The following VPS35 variants were observed in gnomAD, a reference collection of about 807,000 sequenced individuals.
The protein encoded by VPS35 is VPS35 retromer complex component.
A neutral mutation model predicts 98.1 loss-of-function variants in VPS35; 21 were observed. The ratio of observed to expected loss-of-function variants is 0.21; its 90% CI spans 0.15 to 0.31. The LOEUF is 0.31. Among genes scored for constraint, VPS35 ranks in the 10% least tolerant of loss-of-function variants. The pLI is 1.00. For missense variants in VPS35, 554 were observed against 950.8 expected, an observed-to-expected ratio of 0.58 and a Z score of 5.49; for synonymous variants, 268 against 318.2, an observed-to-expected ratio of 0.84 and a Z score of 1.68.
chr16:46,673,595 G>A (rs998156582), intron 10 of VPS35: 1 of 152,774 alleles, frequency 6.5e-6, no homozygotes, highest in Non-Finnish European at 1.5e-5. Flanking sequence ...GACGCCATAA[G>A]TCTAGGACAG....
At chr16:46,669,202 T>C (rs1001683084) in intron 12 of VPS35, 150 bp from the exon 13 acceptor site, 29 of 997,946 alleles carry the variant, frequency 2.9e-5, no homozygotes, top group Non-Finnish European at 4.1e-5. Flanking sequence ...ATTTCTTATC[T>C]CCTCAAGTTG....
intron 12 of VPS35, among the ~76,000 whole-genome samples, chr16:46,670,451 T>C (rs1487488076): frequency 6.6e-6 from 1 of 152,076 alleles, no homozygotes; most frequent in Non-Finnish European, 1.5e-5. Context: ...GCCCAGCTAA[T>C]TTTTTGCATT....
At chr16:46,667,078 CCCA>C (rs1344583828) in intron 13 of VPS35, among the ~76,000 whole-genome samples, 1 of 152,160 alleles carries the variant, frequency 6.6e-6, no homozygotes, top group Non-Finnish European at 1.5e-5. Flanking sequence ...AATTTATATT[CCCA>C]CCAATAATAA....
At chr16:46,686,188 A>C (rs1281232464) in intron 1 of VPS35, among the ~76,000 whole-genome samples, 1 of 152,142 alleles carries the variant, frequency 6.6e-6, no homozygotes, top group Non-Finnish European at 1.5e-5. Context: ...TTCAATGTTC[A>C]TCCATGTTGC....
In VPS35 at chr16:46,665,875, C is replaced by G. The variant is rs115647811; in HGVS notation, c.1648-2713G>C. Among the ~76,000 whole-genome samples the G allele has an allele frequency of 7.8e-3, 1,188 of 152,200 alleles. 15 individuals are homozygous for G. Among genetic ancestry groups the G allele is most frequent in the African/African-American group, 0.027 (1,134 of 41,498 alleles). On this transcript the variant is annotated intron_variant, in intron 13 of 16. Transcript: ENST00000299138. ...GCACAATCATAACTCACTGCAGCCT[C>G]CAACTCCTGGGCTCAAGCTGTCCTC...
At chr16:46,674,501 A>C in intron 9 of VPS35, 39 bp from the exon 10 acceptor site, 2 of 1,606,878 alleles carry the variant, frequency 1.2e-6, no homozygotes, top group Non-Finnish European at 1.7e-6. Context: ...ATTTTAAACA[A>C]TTGTAAAAGG....
chr16:46,662,262 G>C lies in VPS35; in HGVS notation c.2048C>G (p.Thr683Arg). ...CCTTACCTCCTCCCCATTTTTGTCC[G>C]TGTTTCTGCCAGACCAGAAGAGATG... ...CAHLFWSGRN[T>R]DKNGEELHGG... Residue 683 changes from threonine to arginine, a missense_variant, in exon 15 of 17, where the codon ACG (threonine) becomes AGG (arginine). Coordinates refer to ENST00000299138, the MANE Select transcript of VPS35 (RefSeq NM_018206.6). 6.2e-7 allele frequency: 1 copy of C among 1,614,044 alleles called. No individual in the cohort carries two copies. The highest frequency in any genetic ancestry group is 8.5e-7 in the Non-Finnish European group (1 of 1,180,004).
intron 13 of VPS35, among the ~76,000 whole-genome samples, chr16:46,663,862 A>ATTTTTTTTTTTTTT (rs546485076): frequency 0.018 from 514 of 28,686 alleles, 166 homozygotes; most frequent in Non-Finnish European, 0.021. Flanking sequence ...CACCTGGCTA[A>ATTTTTTTTTTTTTT]TTTTTTTTTT....
intron 1 of VPS35, among the ~76,000 whole-genome samples, chr16:46,687,582 A>C (rs1966336836): frequency 6.6e-6 from 1 of 152,202 alleles, no homozygotes; most frequent in Non-Finnish European, 1.5e-5. Context: ...TTAGTAAAGC[A>C]ATCCACACAC....
chr16:46,687,285 G>A (rs1460205567), intron 1 of VPS35, among the ~76,000 whole-genome samples: 1 of 152,142 alleles, frequency 6.6e-6, no homozygotes, highest in Non-Finnish European at 1.5e-5. Context: ...GGCATACATT[G>A]ACAACTGAAG....
Position 46,661,640 on chromosome 16 carries a change from C to T in VPS35, c.2211+78G>A. On this transcript the variant is annotated intron_variant, in intron 16 of 16. Coordinates refer to ENST00000299138, the MANE Select transcript of VPS35 (RefSeq NM_018206.6). The surrounding 1 kb of genome is among the most constrained non-coding windows in gnomAD (Gnocchi z 4.3). ...GTGATTAAAGTATCAGAATGATAAA[C>T]TTTTGTACATATCAAATCTCCTAAG... 1 of 1,346,496 alleles carries T rather than the reference C, an allele frequency of 7.4e-7. No individual in the cohort carries two copies. Among genetic ancestry groups the T allele is most frequent in the Non-Finnish European group, 1.1e-6 (1 of 947,080 alleles). The allele number at this position is 1,346,496 out of a possible 1,614,324, so 83.4% of individuals were successfully genotyped here. A position where few individuals can be genotyped will look rare whatever the true frequency, so the allele number is the denominator to read the frequency against.
intron 15 of VPS35, 23 bp downstream of exon 15, chr16:46,662,220 C>G (rs373245295): frequency 6.2e-7 from 1 of 1,613,938 alleles, no homozygotes; most frequent in African/African-American, 1.3e-5. Context: ...TGTCTGCTAT[C>G]ATGCAGTCAG....
chr16:46,665,766 C>T (rs1965980053), intron 13 of VPS35, among the ~76,000 whole-genome samples: 1 of 152,154 alleles, frequency 6.6e-6, no homozygotes, highest in East Asian at 1.9e-4. Flanking sequence ...TCTTTGGCAA[C>T]TACTGTTCTA....
rs530775423 is a variant in VPS35 at position 46,663,214 on chromosome 16, T to C, written c.1648-52A>G. 89 of 1,509,568 alleles carry C rather than the reference T, an allele frequency of 5.9e-5. No homozygotes were observed. The East Asian group carries it at 2.0e-3, about 33-fold the overall frequency. 93.5% of individuals were successfully genotyped at this position (1,509,568 alleles called of 1,614,324 possible). On this transcript the variant is annotated intron_variant, in intron 13 of 16. Coordinates refer to ENST00000299138, the MANE Select transcript of VPS35 (RefSeq NM_018206.6). ...TACCTTAAATTCAAAATTAACTTGT[T>C]CCAGGATATCCATTTTAATAGAACA...
intron 13 of VPS35, 78 bp downstream of exon 13, chr16:46,668,852 T>C: frequency 6.4e-7 from 1 of 1,567,194 alleles, no homozygotes; most frequent in Admixed American, 1.9e-5. Flanking sequence ...AAATTTTTTA[T>C]AATATAAAAC....
chr16:46,662,552 T>C, intron 14 of VPS35, 70 bp from the exon 15 acceptor site: 1 of 1,601,012 alleles, frequency 6.2e-7, no homozygotes, highest in Non-Finnish European at 8.5e-7. Context: ...TCCAAAGTAC[T>C]TGTCACCAAA....
rs867052593 is a variant in VPS35 at position 46,661,952 on chromosome 16, G to A, written c.2068-91C>T. ...CACAACACTACCGTGGCTCTTTCGT[G>A]TTTTAAAGGGACATAACAAATTTAA... On this transcript the variant is annotated intron_variant, in intron 15 of 16. Coordinates refer to ENST00000299138, the MANE Select transcript of VPS35 (RefSeq NM_018206.6). The surrounding 1 kb of genome is among the most constrained non-coding windows in gnomAD (Gnocchi z 4.3). 3.3e-6 allele frequency: 5 copies of A among 1,536,498 alleles called. No homozygotes were observed. In the Middle Eastern group the frequency reaches 5.1e-4, roughly 155 times the overall value.
chr16:46,669,113 A>G (rs771367883), intron 12 of VPS35, 61 bp from the exon 13 acceptor site: 1 of 1,596,992 alleles, frequency 6.3e-7, no homozygotes, highest in African/African-American at 1.3e-5. Context: ...TTTGTGAAAT[A>G]AATGTGGGCT....
chr16:46,673,393 A>C (rs1459040997), intron 10 of VPS35: 2 of 152,256 alleles, frequency 1.3e-5, no homozygotes, highest in Non-Finnish European at 2.9e-5. Flanking sequence ...AAAAAGAAGA[A>C]ATTTTCTTGA....
Sources: allele counts gnomAD v4.1 joint callset (sites outside exome capture counted in the v4.1 genomes callset), GRCh38; gene constraint gnomAD v4.1.1; non-coding constraint Gnocchi (gnomAD v3.1); transcripts MANE v1.5; gene names NCBI Gene and HGNC (gene_info 2026-07-23, HGNC 2026-07-21).